EYS: variants seen among roughly 807,000 people sequenced by gnomAD.
EYS encodes the protein protein eyes shut homolog.
EYS carries 250 observed loss-of-function variants against 282.1 expected under a neutral mutation model. The ratio of observed to expected loss-of-function variants is 0.89; its 90% confidence interval spans 0.80 to 0.98. EYS has a LOEUF of 0.98. Among genes scored for constraint, EYS ranks in the 50% least tolerant of loss-of-function variants. EYS has a pLI of 0.00. For missense variants in EYS, 4,016 were observed against 3,709.0 expected (o/e 1.08, Z -2.15); for synonymous variants, 1,355 against 1,282.9 (o/e 1.06, Z -1.20).
intron 29 of EYS, among the ~76,000 whole-genome samples, chr6:64,318,105 C>T (rs1004501216): frequency 9.2e-5 from 14 of 152,084 alleles, no homozygotes; most frequent in African/African-American, 2.7e-4. Context: ...TGGAGAAAAG[C>T]ACCATGGCAT....
rs1764492435 is a variant in EYS at position 64,171,944 on chromosome 6, G to A, written c.6424+58648C>T. On this transcript the variant is annotated intron_variant, in intron 31 of 42. Coordinates refer to ENST00000503581, the MANE Select transcript of EYS (RefSeq NM_001142800.2). The stretch of plus-strand genomic sequence containing the variant: ...GGTGAGGTGGTCATGGACTCACCCT[G>A]AGCCTTTCTTCAGGCAGGAGGACTG... Among the ~76,000 whole-genome samples the A allele has an allele frequency of 2.0e-5, 3 of 152,136 alleles. 1 individual carries two copies. In the South Asian group the frequency reaches 6.2e-4, roughly 32 times the overall value.
At chr6:65,157,863 A>G (rs534999250) in intron 12 of EYS, among the ~76,000 whole-genome samples, 1 of 150,740 alleles carries the variant, frequency 6.6e-6, no homozygotes, top group South Asian at 2.1e-4. Flanking sequence ...CATTATATTT[A>G]TATGTCATTA....
chr6:64,821,611 T>C (rs1583193062), intron 21 of EYS, 34 bp downstream of exon 21: 1 of 1,124,318 alleles, frequency 8.9e-7, no homozygotes, highest in East Asian at 2.7e-5. Flanking sequence ...ATTAAATTTT[T>C]GTCATATAAC....
At position 65,026,372 on chromosome 6, in the gene EYS, T is replaced by C. The variant is rs571072875; in HGVS notation, c.2138-28669A>G. Among the ~76,000 whole-genome samples, 14 of 152,198 alleles carry C rather than the reference T, an allele frequency of 9.2e-5. No homozygotes were observed. In the East Asian group the frequency reaches 2.5e-3, roughly 27 times the overall value. On this transcript the variant is annotated intron_variant, in intron 13 of 42. Transcript: ENST00000503581. ...TTAATTGTTGAATTCTAAACTTTCTTAACAGAAGCATAAAAGTAATAGGAA... is the reference window on the plus strand; with the variant it reads ...TTAATTGTTGAATTCTAAACTTTCTCAACAGAAGCATAAAAGTAATAGGAA...
At position 64,768,261 on chromosome 6, in the gene EYS, AAAAAT is replaced by A. The variant is rs1476422150; in HGVS notation, c.3443+45112_3443+45116del. 1.7e-4 allele frequency among the ~76,000 whole-genome samples: 26 copies of A among 152,308 alleles called. No homozygotes were observed. In the South Asian group the frequency reaches 3.5e-3, roughly 21 times the overall value. ...ATTAAGATTCTGCAAAGTATTTATT[AAAAAT>A]AAAATAGAACACTTTGAGAAATTTC... On this transcript the variant is annotated intron_variant, in intron 22 of 42. Transcript: ENST00000503581.
At chr6:64,652,173 T>G (rs368642938) in intron 22 of EYS, among the ~76,000 whole-genome samples, 20 of 152,368 alleles carry the variant, frequency 1.3e-4, no homozygotes, top group African/African-American at 4.8e-4. Flanking sequence ...CCCACAGTCA[T>G]GTATATAATC....
At chr6:65,395,045 T>A (rs1411436098) in intron 7 of EYS, among the ~76,000 whole-genome samples, 1 of 152,186 alleles carries the variant, frequency 6.6e-6, no homozygotes, top group East Asian at 1.9e-4. Context: ...TCTAATGTAA[T>A]CCCAACCTTA....
At chr6:64,603,761 C>T (rs954177371) in intron 24 of EYS, among the ~76,000 whole-genome samples, 1 of 151,872 alleles carries the variant, frequency 6.6e-6, no homozygotes, top group Non-Finnish European at 1.5e-5. Context: ...TGCATGTCTT[C>T]CGAACAGAGT....
intron 22 of EYS, among the ~76,000 whole-genome samples, chr6:64,714,504 TTTTC>T (rs1170524195): frequency 1.4e-5 from 2 of 144,318 alleles, no homozygotes; most frequent in African/African-American, 5.1e-5. Context: ...TTGAAACACA[TTTTC>T]TTTCTTTCTT....
At chr6:64,158,555 CTT>C (rs752168267) in intron 31 of EYS, among the ~76,000 whole-genome samples, 4 of 152,172 alleles carry the variant, frequency 2.6e-5, no homozygotes, top group East Asian at 1.9e-4. Flanking sequence ...CTCTCCCACT[CTT>C]TGCATAAAAT....
At chr6:65,167,245 G>A (rs1389844819) in intron 12 of EYS, among the ~76,000 whole-genome samples, 3 of 151,204 alleles carry the variant, frequency 2.0e-5, no homozygotes, top group East Asian at 2.0e-4. Context: ...TAGCCCAAAT[G>A]TATCAACTGA....
At chr6:64,881,976 C>A (rs1766935451) in intron 19 of EYS, among the ~76,000 whole-genome samples, 1 of 151,676 alleles carries the variant, frequency 6.6e-6, no homozygotes, top group Non-Finnish European at 1.5e-5. Context: ...TTTCAAAGTG[C>A]AATTTCAATG....
intron 30 of EYS, among the ~76,000 whole-genome samples, chr6:64,268,774 T>C (rs1767846726): frequency 1.3e-5 from 2 of 152,136 alleles, no homozygotes; most frequent in South Asian, 4.2e-4. Context: ...GAGATGAGTA[T>C]GGGAGGGGGC....
intron 26 of EYS, among the ~76,000 whole-genome samples, chr6:64,504,134 G>A (rs1367848600): frequency 6.6e-6 from 1 of 152,106 alleles, no homozygotes; most frequent in Non-Finnish European, 1.5e-5. Context: ...ACTAAAAGAA[G>A]GGCCTTGACA....
At chr6:65,291,344 G>A (rs866082612) in intron 12 of EYS, among the ~76,000 whole-genome samples, 2 of 151,500 alleles carry the variant, frequency 1.3e-5, no homozygotes, top group African/African-American at 4.8e-5. Context: ...GCACACTGTT[G>A]GTTGAAGTGT....
At chr6:65,160,030 A>G (rs919714678) in intron 12 of EYS, among the ~76,000 whole-genome samples, 5 of 150,972 alleles carry the variant, frequency 3.3e-5, no homozygotes, top group Non-Finnish European at 7.4e-5. Flanking sequence ...CACTGTTAAT[A>G]TTTCTGCCAC....
intron 5 of EYS, among the ~76,000 whole-genome samples, chr6:65,477,696 TA>T (rs1336867121): frequency 1.3e-5 from 2 of 152,152 alleles, no homozygotes; most frequent in African/African-American, 2.4e-5. Flanking sequence ...TCAGTTAGTA[TA>T]AAAATTGAAT....
intron 26 of EYS, among the ~76,000 whole-genome samples, chr6:64,439,667 C>A (rs1774869732): frequency 6.6e-6 from 1 of 151,690 alleles, no homozygotes; most frequent in African/African-American, 2.4e-5. Context: ...GTACTTATTT[C>A]TTCTTTATAT....
At chr6:65,536,086 G>C (rs575916120) in intron 2 of EYS, among the ~76,000 whole-genome samples, 1 of 152,146 alleles carries the variant, frequency 6.6e-6, no homozygotes, top group African/African-American at 2.4e-5. Context: ...CATTTAATTT[G>C]AGATAGAATG....
Sources: gnomAD v4.1 joint callset for allele counts (sites outside exome capture counted in the v4.1 genomes callset) on GRCh38, gnomAD v4.1.1 for gene constraint, MANE v1.5 for transcripts, NCBI Gene and HGNC (gene_info 2026-07-23, HGNC 2026-07-21) for gene names.